PNPLA7: variants seen among roughly 807,000 people sequenced by gnomAD.
PNPLA7 encodes the protein patatin-like phospholipase domain-containing protein 7.
Under a neutral mutation model 161.7 loss-of-function variants are expected in PNPLA7, and 153 were observed. The observed-to-expected ratio is 0.95, with a 90% confidence interval of 0.83 to 1.08. PNPLA7 has a LOEUF of 1.08. Among genes scored for constraint, PNPLA7 ranks in the 50% least tolerant of loss-of-function variants. The pLI is 0.00. For missense variants in PNPLA7, 1,739 were observed against 1,856.6 expected (o/e 0.94, Z 1.16); for synonymous variants, 809 against 782.1 (o/e 1.03, Z -0.57).
chr9:137,546,487 CT>C, intron 4 of PNPLA7, among the ~76,000 whole-genome samples: 1 of 152,156 alleles, frequency 6.6e-6, no homozygotes, highest in African/African-American at 2.4e-5. Flanking sequence ...CCCACCGACC[CT>C]GTGGGGCTGG....
rs757849258 is a variant in PNPLA7 at position 137,467,521 on chromosome 9, C to T, written c.2883-48G>A. On this transcript the variant is annotated intron_variant, in intron 25 of 34. Coordinates refer to ENST00000406427, the MANE Select transcript of PNPLA7 (RefSeq NM_001098537.3). This position sits in a 1 kb window ranked among gnomAD's most constrained non-coding sequence, Gnocchi z 5.1. ...GCAAGGAGTGAGTACCAGGCCCAGG[C>T]TGCGCCCTGCAGAGGCCTTGTGCTC... 6.3e-7 allele frequency: 1 copy of T among 1,598,436 alleles called. No homozygotes were observed. The highest frequency in any genetic ancestry group is 1.7e-5 in the Admixed American group (1 of 59,228).
At chr9:137,535,924 G>A (rs1192070090) in intron 8 of PNPLA7, among the ~76,000 whole-genome samples, 7 of 151,454 alleles carry the variant, frequency 4.6e-5, no homozygotes, top group South Asian at 2.1e-4. Flanking sequence ...AGGCCGAGGC[G>A]GGCAGATCAC....
At chr9:137,464,309 G>A in intron 27 of PNPLA7, 31 bp downstream of exon 27, 1 of 1,606,840 alleles carries the variant, frequency 6.2e-7, no homozygotes, top group Non-Finnish European at 8.5e-7. Flanking sequence ...GGCACTGGGG[G>A]CTGCATGGGC....
chr9:137,514,531 C>A (rs1406819242), intron 12 of PNPLA7, among the ~76,000 whole-genome samples: 2 of 142,290 alleles, frequency 1.4e-5, no homozygotes, highest in Non-Finnish European at 3.1e-5. Flanking sequence ...TGTGGCTGGG[C>A]TGCGGGCGGG....
chr9:137,528,900 CTG>C (rs1393534074), intron 8 of PNPLA7, among the ~76,000 whole-genome samples: 1 of 151,918 alleles, frequency 6.6e-6, no homozygotes, highest in Non-Finnish European at 1.5e-5. Context: ...CGAGGTTTCA[CTG>C]CGTTAGCCAG....
chr9:137,535,480 C>T (rs897975069), intron 8 of PNPLA7, among the ~76,000 whole-genome samples: 6 of 152,112 alleles, frequency 3.9e-5, no homozygotes, highest in Non-Finnish European at 7.3e-5. Context: ...CAGGGCCAGG[C>T]GCAGTGGCTC....
At chr9:137,479,400 G>GA in intron 23 of PNPLA7, 162 bp from the exon 24 acceptor site, 1 of 1,310,926 alleles carries the variant, frequency 7.6e-7, no homozygotes, top group Non-Finnish European at 9.7e-7. Flanking sequence ...TGGCGCTGCC[G>GA]AAGCTCTGAC....
intron 4 of PNPLA7, among the ~76,000 whole-genome samples, chr9:137,545,645 G>A (rs998288347): frequency 3.9e-5 from 6 of 152,228 alleles, no homozygotes; most frequent in Non-Finnish European, 7.3e-5. Context: ...TCATTAGCTT[G>A]TAGCAATTAC....
chr9:137,464,335 T>G lies in PNPLA7; in HGVS notation c.3156+5A>C, dbSNP rs1252304484. ...CTGCATGGGCTCCTGAGGGTGGGGGTGCACCTCGATCTGCTGGTCCTTGAA... is the reference window on the plus strand; with the variant it reads ...CTGCATGGGCTCCTGAGGGTGGGGGGGCACCTCGATCTGCTGGTCCTTGAA... On this transcript the variant is annotated splice_donor_5th_base_variant and intron_variant, in intron 27 of 34. Coordinates refer to ENST00000406427, the MANE Select transcript of PNPLA7 (RefSeq NM_001098537.3). The G allele has an allele frequency of 6.2e-7, 1 of 1,611,926 alleles. No homozygotes were observed. Among genetic ancestry groups the G allele is most frequent in the African/African-American group, 1.3e-5 (1 of 74,638 alleles).
rs191125901 is a variant in PNPLA7 at position 137,500,938 on chromosome 9, G to A, written c.1552-42C>T. 8.6e-4 allele frequency: 1,301 copies of A among 1,519,334 alleles called. 8 individuals carry two copies. In the African/African-American group the frequency reaches 0.015, roughly 17 times the overall value. The allele number at this position is 1,519,334 out of a possible 1,614,324, so 94.1% of individuals were successfully genotyped here. A position where few individuals can be genotyped will look rare whatever the true frequency, so the allele number is the denominator to read the frequency against. On this transcript the variant is annotated intron_variant, in intron 15 of 34. Transcript: ENST00000406427. This position sits in a 1 kb window ranked among gnomAD's most constrained non-coding sequence, Gnocchi z 5.5. ...CTCAGGAGGCGCCGCGAGTGGCCGC[G>A]GGCAGGACGGGGGCAGCTCTGGGCC...
In PNPLA7 at chr9:137,486,216, G is replaced by T. The variant is rs1031607677; in HGVS notation, c.2198-1480C>A. On this transcript the variant is annotated intron_variant, in intron 20 of 34. Coordinates refer to ENST00000406427, the MANE Select transcript of PNPLA7 (RefSeq NM_001098537.3). The surrounding 1 kb of genome is among the most constrained non-coding windows in gnomAD (Gnocchi z 6.0). ...GCGGCATGGTGAGGGAAGAGGCCAGGAGAGCAAGCCTGGGGACACAGAACC... is the reference window on the plus strand; with the variant it reads ...GCGGCATGGTGAGGGAAGAGGCCAGTAGAGCAAGCCTGGGGACACAGAACC... 1.3e-5 allele frequency among the ~76,000 whole-genome samples: 2 copies of T among 152,106 alleles called. No individual in the cohort carries two copies. The highest frequency in any genetic ancestry group is 2.9e-5 in the Non-Finnish European group (2 of 68,032).
chr9:137,475,114 G>A (rs1226449971), intron 25 of PNPLA7, among the ~76,000 whole-genome samples: 1 of 151,734 alleles, frequency 6.6e-6, no homozygotes, highest in Admixed American at 6.6e-5. Flanking sequence ...CAGAGTTGAT[G>A]TCTGTGAGTT....
At chr9:137,462,469 C>T in intron 30 of PNPLA7, 138 bp from the exon 31 acceptor site, 1 of 1,432,142 alleles carries the variant, frequency 7.0e-7, no homozygotes, top group Admixed American at 2.6e-5. Context: ...CAGCACCCGG[C>T]CGGGGGTCCT....
At position 137,537,456 on chromosome 9, in the gene PNPLA7, A is replaced by T. The variant is rs2132596252; in HGVS notation, c.747+3186T>A. ...CCTCAGCCTCCCGAGTAGCTGGGAT[A>T]ACAGGCACCCGCCACCACACCCAGC... On this transcript the variant is annotated intron_variant, in intron 8 of 34. Transcript: ENST00000406427. The surrounding 1 kb of genome is among the most constrained non-coding windows in gnomAD (Gnocchi z 4.5). Among the ~76,000 whole-genome samples the T allele has an allele frequency of 1.3e-5, 2 of 152,186 alleles. No individual in the cohort carries two copies. The highest frequency in any genetic ancestry group is 4.1e-4 in the South Asian group (2 of 4,832).
chr9:137,513,665 A>G (rs1179847548), intron 12 of PNPLA7, among the ~76,000 whole-genome samples: 1 of 152,194 alleles, frequency 6.6e-6, no homozygotes, highest in Non-Finnish European at 1.5e-5. Flanking sequence ...GGCATTTTCC[A>G]GCCCATGGAC....
chr9:137,537,864 C>G lies in PNPLA7; in HGVS notation c.747+2778G>C, dbSNP rs2132599573. 6.6e-6 allele frequency among the ~76,000 whole-genome samples: 1 copy of G among 152,286 alleles called. No individual in the cohort carries two copies. Among genetic ancestry groups the G allele is most frequent in the East Asian group, 1.9e-4 (1 of 5,186 alleles). ...AGAAATAATGGAGAAAGCCTCTACCCCAGTGAAGCTATTTTTTGCTTAAAG... is the reference window on the plus strand; with the variant it reads ...AGAAATAATGGAGAAAGCCTCTACCGCAGTGAAGCTATTTTTTGCTTAAAG... On this transcript the variant is annotated intron_variant, in intron 8 of 34. Coordinates refer to ENST00000406427, the MANE Select transcript of PNPLA7 (RefSeq NM_001098537.3). The surrounding 1 kb of genome is among the most constrained non-coding windows in gnomAD (Gnocchi z 4.5).
rs1463050767 is a variant in PNPLA7 at position 137,524,577 on chromosome 9, C to A, written c.748-1720G>T. On this transcript the variant is annotated intron_variant, in intron 8 of 34. Coordinates refer to ENST00000406427, the MANE Select transcript of PNPLA7 (RefSeq NM_001098537.3). This position sits in a 1 kb window ranked among gnomAD's most constrained non-coding sequence, Gnocchi z 4.4. ...CAGTTCTCATCCCTCTTGCTAAATA[C>A]CTAGGGATGGGACTTGTAGGTTGTA... 6.6e-6 allele frequency among the ~76,000 whole-genome samples: 1 copy of A among 152,252 alleles called. No individual in the cohort carries two copies.
chr9:137,491,381 C>G (rs1832755026), intron 20 of PNPLA7: 2 of 768,334 alleles, frequency 2.6e-6, no homozygotes, highest in Admixed American at 6.3e-5. Context: ...TATCTACAGT[C>G]TAAACACACA....
chr9:137,481,680 C>T (rs924518761), intron 21 of PNPLA7, among the ~76,000 whole-genome samples: 2 of 152,120 alleles, frequency 1.3e-5, no homozygotes, highest in African/African-American at 2.4e-5. Context: ...AGCTAGAGAT[C>T]GGCTGGGCGC....
Sources: gnomAD v4.1 joint callset for allele counts (sites outside exome capture counted in the v4.1 genomes callset) on GRCh38, gnomAD v4.1.1 for gene constraint, Gnocchi (gnomAD v3.1) non-coding constraint, MANE v1.5 for transcripts, NCBI Gene and HGNC (gene_info 2026-07-23, HGNC 2026-07-21) for gene names.